NEK11: variants seen among roughly 807,000 people sequenced by gnomAD.
The protein encoded by NEK11 is NIMA related kinase 11.
Under a neutral mutation model 80.7 loss-of-function variants are expected in NEK11, and 72 were observed. The observed-to-expected ratio is 0.89, with a 90% CI of 0.74 to 1.08. The LOEUF (loss-of-function observed/expected upper bound fraction) is 1.08. NEK11 is among the 50% of genes least tolerant of loss of function. NEK11 has a pLI of 0.00. For missense variants in NEK11, 764 were observed against 763.6 expected (o/e 1.00, Z -0.01); for synonymous variants, 251 against 260.7 (o/e 0.96, Z 0.36).
At chr3:131,211,154 G>A (rs781289708) in intron 14 of NEK11, among the ~76,000 whole-genome samples, 1 of 152,158 alleles carries the variant, frequency 6.6e-6, no homozygotes, top group Non-Finnish European at 1.5e-5. Flanking sequence ...AGGAGCTCTT[G>A]TAAGGCAGGC....
At chr3:131,273,784 T>G (rs997771004) in intron 17 of NEK11, among the ~76,000 whole-genome samples, 3 of 152,214 alleles carry the variant, frequency 2.0e-5, no homozygotes, top group Admixed American at 2.0e-4. Context: ...TGGCAAGAAT[T>G]ATTTTTCAGT....
chr3:131,102,490 G>A (rs758914832), intron 4 of NEK11, among the ~76,000 whole-genome samples: 2 of 152,192 alleles, frequency 1.3e-5, no homozygotes, highest in Non-Finnish European at 2.9e-5. Context: ...ATTTAAGAGT[G>A]CTGAAAATAG....
At chr3:131,111,745 C>T (rs1417042060) in intron 5 of NEK11, among the ~76,000 whole-genome samples, 1 of 151,962 alleles carries the variant, frequency 6.6e-6, no homozygotes, top group Non-Finnish European at 1.5e-5. Flanking sequence ...TATTTTTGCA[C>T]CTACCTAATA....
At chr3:131,297,846 T>G (rs1404500674) in intron 17 of NEK11, among the ~76,000 whole-genome samples, 1 of 152,198 alleles carries the variant, frequency 6.6e-6, no homozygotes, top group Non-Finnish European at 1.5e-5. Flanking sequence ...TTGTGTAAGG[T>G]GTAAGGAAGG....
At chr3:131,151,711 T>A (rs2089681940) in intron 7 of NEK11, among the ~76,000 whole-genome samples, 1 of 152,018 alleles carries the variant, frequency 6.6e-6, no homozygotes, top group South Asian at 2.1e-4. Context: ...GTTTTTTTTT[T>A]AATGATGTAG....
chr3:131,260,764 T>C (rs1202094642), intron 16 of NEK11, among the ~76,000 whole-genome samples: 1 of 152,098 alleles, frequency 6.6e-6, no homozygotes, highest in Non-Finnish European at 1.5e-5. Flanking sequence ...GTGGTATCAG[T>C]CAAGTAACTG....
At chr3:131,186,085 G>A (rs1350797643) in intron 14 of NEK11, among the ~76,000 whole-genome samples, 1 of 152,156 alleles carries the variant, frequency 6.6e-6, no homozygotes, top group Non-Finnish European at 1.5e-5. Flanking sequence ...TACTAAAGGA[G>A]TACAATCAGT....
chr3:131,321,969 C>A (rs994975365), intron 17 of NEK11, among the ~76,000 whole-genome samples: 19 of 152,142 alleles, frequency 1.2e-4, no homozygotes, highest in Admixed American at 9.8e-4. Context: ...TACCATTTGA[C>A]CTAGCAATCC....
chr3:131,321,742 T>C (rs185967365), intron 17 of NEK11, among the ~76,000 whole-genome samples: 1 of 152,152 alleles, frequency 6.6e-6, no homozygotes, highest in Admixed American at 6.5e-5. Context: ...GAAAACATGC[T>C]CAACATCACT....
At chr3:131,208,408 G>C (rs1231361467) in intron 14 of NEK11, among the ~76,000 whole-genome samples, 1 of 152,190 alleles carries the variant, frequency 6.6e-6, no homozygotes, top group Admixed American at 6.5e-5. Context: ...GATGCCTCCA[G>C]CTTTGTTCTT....
chr3:131,046,598 A>G lies in NEK11; in HGVS notation c.170+16720A>G, dbSNP rs568502713. Among the ~76,000 whole-genome samples, 20 of 145,738 alleles carry G rather than the reference A, an allele frequency of 1.4e-4. No homozygotes were observed. The South Asian group carries it at 3.7e-3, about 27-fold the overall frequency. On this transcript the variant is annotated intron_variant, in intron 3 of 17. Transcript: ENST00000383366. The stretch of plus-strand genomic sequence containing the variant: ...TGATTCTTTTTTTTTTTTCTTAATT[A>G]TACTTTAAGTTCTAGGGTACATGTG...
At chr3:131,099,478 G>A (rs894627069) in intron 4 of NEK11, among the ~76,000 whole-genome samples, 4 of 152,126 alleles carry the variant, frequency 2.6e-5, no homozygotes, top group Non-Finnish European at 2.9e-5. Context: ...ATGAATGTTA[G>A]AGTAGTTTTT....
intron 3 of NEK11, among the ~76,000 whole-genome samples, chr3:131,061,155 G>T (rs182957461): frequency 1.1e-4 from 16 of 152,278 alleles, no homozygotes; most frequent in Admixed American, 7.8e-4. Flanking sequence ...TGGGGGTCCT[G>T]TTTCACTCTG....
chr3:131,202,083 T>C (rs2094254964), intron 14 of NEK11, among the ~76,000 whole-genome samples: 1 of 152,166 alleles, frequency 6.6e-6, no homozygotes, highest in Non-Finnish European at 1.5e-5. Context: ...TCCACCCACC[T>C]TGGACTCCCA....
chr3:131,049,363 G>A (rs1047080240), intron 3 of NEK11, among the ~76,000 whole-genome samples: 15 of 152,164 alleles, frequency 9.9e-5, no homozygotes, highest in African/African-American at 3.6e-4. Flanking sequence ...CTAGTCCTGT[G>A]AAACAGCAGT....
At chr3:131,132,715 G>T (rs1484884382) in intron 5 of NEK11, 30 bp from the exon 6 acceptor site, 2 of 1,210,368 alleles carry the variant, frequency 1.7e-6, no homozygotes, top group East Asian at 2.4e-5. Context: ...TATTCTGCAT[G>T]AAGTTGTATA....
At chr3:131,331,638 G>C (rs943356777) in intron 17 of NEK11, among the ~76,000 whole-genome samples, 6 of 152,210 alleles carry the variant, frequency 3.9e-5, no homozygotes, top group Admixed American at 6.5e-5. Flanking sequence ...CACCGTGCGT[G>C]AGCCGAAGCA....
intron 6 of NEK11, among the ~76,000 whole-genome samples, 194 bp from the exon 7 acceptor site, chr3:131,133,636 T>TCTC (rs10656922): frequency 0.82 from 123,748 of 151,714 alleles, 50,556 homozygotes; most frequent in East Asian, 0.85. Flanking sequence ...AAGTCTTCCT[T>TCTC]CTATAAAACT....
intron 17 of NEK11, among the ~76,000 whole-genome samples, chr3:131,306,280 GT>G (rs1161014854): frequency 1.3e-5 from 2 of 151,938 alleles, no homozygotes; most frequent in African/African-American, 4.8e-5. Flanking sequence ...TATAATTTTT[GT>G]TTTGATAACC....
Sources: allele counts gnomAD v4.1 joint callset (sites outside exome capture counted in the v4.1 genomes callset), GRCh38; gene constraint gnomAD v4.1.1; transcripts MANE v1.5; gene names NCBI Gene and HGNC (gene_info 2026-07-23, HGNC 2026-07-21).